The following STK10 variants were observed in gnomAD, a reference collection of about 807,000 sequenced individuals.
The protein encoded by STK10 is serine/threonine kinase 10.
Under a neutral mutation model 113.8 loss-of-function variants are expected in STK10, and 78 were observed. The ratio of observed to expected loss-of-function variants is 0.69; its 90% confidence interval spans 0.57 to 0.83. The LOEUF (loss-of-function observed/expected upper bound fraction) is 0.83. Among genes scored for constraint, STK10 ranks in the 40% least tolerant of loss-of-function variants. The pLI is 0.00. For missense variants in STK10, 1,109 were observed against 1,280.1 expected (o/e 0.87, Z 2.04); for synonymous variants, 465 against 494.7 (o/e 0.94, Z 0.80).
At position 172,187,970 on chromosome 5, in the gene STK10, G is replaced by A. The variant is rs746153475; in HGVS notation, c.73C>T (p.His25Tyr). The A allele has an allele frequency of 3.2e-5, 51 of 1,613,504 alleles. No individual in the cohort carries two copies. Among genetic ancestry groups the A allele is most frequent in the Non-Finnish European group, 4.3e-5 (51 of 1,179,804 alleles). The change falls in exon 1 of 19, where the codon CAC (histidine) becomes TAC (tyrosine). Residue 25 changes from histidine to tyrosine, a missense_variant. Around this residue, in one of 5 missense-constraint regions of STK10, gnomAD observed 57 missense variants for 53.6 expected, o/e 1.06. Coordinates refer to ENST00000176763, the MANE Select transcript of STK10 (RefSeq NM_005990.4). The surrounding 1 kb of genome is among the most constrained non-coding windows in gnomAD (Gnocchi z 4.6). ...TTGGGGTCCAGGTCGCGGCGGACGT[G>A]CTCATATTCGCGGGACTTTCTCTTC... Reference protein sequence around the residue: ...FEKRKSREYEHVRRDLDPNEV... With the variant: ...FEKRKSREYEYVRRDLDPNEV...
chr5:172,048,436 C>CACACACACAT (rs1554114848), intron 18 of STK10, among the ~76,000 whole-genome samples: 3 of 151,656 alleles, frequency 2.0e-5, no homozygotes, highest in Non-Finnish European at 2.9e-5. Flanking sequence ...CACACACACA[C>CACACACACAT]ACACACACAC....
At chr5:172,174,497 A>G (rs545584531) in intron 1 of STK10, among the ~76,000 whole-genome samples, 1 of 152,138 alleles carries the variant, frequency 6.6e-6, no homozygotes, top group Admixed American at 6.6e-5. Context: ...TATGAACTGA[A>G]CATCTACCCT....
At chr5:172,152,182 G>A (rs747021209) in intron 2 of STK10, among the ~76,000 whole-genome samples, 4 of 152,116 alleles carry the variant, frequency 2.6e-5, no homozygotes, top group East Asian at 1.9e-4. Context: ...CCTTCATACC[G>A]TCTGTTTCTG....
chr5:172,177,930 G>A (rs34036621), intron 1 of STK10, among the ~76,000 whole-genome samples: 65,874 of 151,996 alleles, frequency 0.43, 17,132 homozygotes, highest in African/African-American at 0.74. Flanking sequence ...CAGGTTTCAG[G>A]TGATTTTCCT....
At chr5:172,079,732 T>G (rs1252811725) in intron 12 of STK10, among the ~76,000 whole-genome samples, 3 of 152,016 alleles carry the variant, frequency 2.0e-5, no homozygotes, top group Non-Finnish European at 4.4e-5. Context: ...ACTAATTTTT[T>G]TGTGTTTTTA....
intron 5 of STK10, 41 bp downstream of exon 5, chr5:172,107,739 T>C (rs1769147771): frequency 6.2e-7 from 1 of 1,603,812 alleles, no homozygotes; most frequent in Non-Finnish European, 8.5e-7. Context: ...GGAGAGTTTT[T>C]ACATCCAGTC....
chr5:172,054,213 G>A (rs966294051), intron 17 of STK10, among the ~76,000 whole-genome samples: 1 of 152,158 alleles, frequency 6.6e-6, no homozygotes, highest in Non-Finnish European at 1.5e-5. Context: ...CCCACAAGGG[G>A]CTCGGCCACA....
At position 172,044,813 on chromosome 5, in the gene STK10, A is replaced by T; in HGVS notation, c.*69T>A. On this transcript the variant is annotated 3_prime_UTR_variant, in exon 19 of 19. Transcript: ENST00000176763. The surrounding 1 kb of genome is among the most constrained non-coding windows in gnomAD (Gnocchi z 4.5). ...AGAGGGAAAAGGGGTCCTGAGTTAC[A>T]TGTTCACAGAGAATGAAGGAGAAGG... 8 of 1,611,530 alleles carry T rather than the reference A, an allele frequency of 5.0e-6. No homozygotes were observed. The highest frequency in any genetic ancestry group is 6.8e-6 in the Non-Finnish European group (8 of 1,179,174).
chr5:172,064,052 G>A (rs1229408447), intron 13 of STK10, among the ~76,000 whole-genome samples: 3 of 152,112 alleles, frequency 2.0e-5, no homozygotes, highest in Non-Finnish European at 4.4e-5. Flanking sequence ...GCTGTGGGGG[G>A]AAGGGTGCTA....
chr5:172,043,476 AT>A lies in STK10; in HGVS notation c.*1405del, dbSNP rs1767428273. On this transcript the variant is annotated 3_prime_UTR_variant, in exon 19 of 19. Coordinates refer to ENST00000176763, the MANE Select transcript of STK10 (RefSeq NM_005990.4). ...TATGCCCGCATGATTACTCCAAATC[AT>A]TACCAGTTTTGTGTTGTTGTTCTTG... The A allele has an allele frequency of 6.6e-6, 1 of 152,190 alleles. No individual in the cohort carries two copies. The highest frequency in any genetic ancestry group is 1.5e-5 in the Non-Finnish European group (1 of 68,032). The allele number at this position is 152,190 out of a possible 1,614,324, so 9.4% of individuals were successfully genotyped here.
chr5:172,061,443 A>C, intron 13 of STK10, 175 bp from the exon 14 acceptor site: 1 of 786,958 alleles, frequency 1.3e-6, no homozygotes, highest in Non-Finnish European at 1.9e-6. Flanking sequence ...CAATTTCAAC[A>C]TGTGGGCTTC....
intron 3 of STK10, among the ~76,000 whole-genome samples, chr5:172,126,465 G>A (rs1286062163): frequency 6.6e-6 from 1 of 152,114 alleles, no homozygotes; most frequent in Non-Finnish European, 1.5e-5. Flanking sequence ...TCGGGAGGCT[G>A]GGGCAGAAGA....
At chr5:172,155,672 T>C (rs1203364426) in intron 2 of STK10, among the ~76,000 whole-genome samples, 2 of 151,088 alleles carry the variant, frequency 1.3e-5, no homozygotes, top group African/African-American at 4.9e-5. Context: ...AGTCAGAAGA[T>C]GGATTTCTTT....
At position 172,044,892 on chromosome 5, in the gene STK10, TC is replaced by T; in HGVS notation, c.2896del (p.Asp966MetfsTer28). On this transcript the variant is annotated frameshift_variant, in exon 19 of 19. Transcript: ENST00000176763. LOFTEE classifies it high-confidence loss of function. This position sits in a 1 kb window ranked among gnomAD's most constrained non-coding sequence, Gnocchi z 4.5. ...AGCCCCGGGCGGTTGTTAAGAAGCATCCGCAGAACTGTAGGGGAAGAACTTG... is the reference window on the plus strand; with the variant it reads ...AGCCCCGGGCGGTTGTTAAGAAGCATCGCAGAACTGTAGGGGAAGAACTTG... ...AAKFFPYSSA[D>X]AS is the part of the protein sequence containing the mutation. The T allele has an allele frequency of 6.2e-7, 1 of 1,614,136 alleles. No individual in the cohort carries two copies.
intron 18 of STK10, among the ~76,000 whole-genome samples, chr5:172,048,108 G>T (rs1299622164): frequency 6.6e-6 from 1 of 152,080 alleles, no homozygotes; most frequent in Admixed American, 6.6e-5. Flanking sequence ...GCTTGGCAAG[G>T]CCACGGTATC....
intron 2 of STK10, among the ~76,000 whole-genome samples, chr5:172,146,183 C>A (rs13176834): frequency 6.6e-6 from 1 of 152,034 alleles, no homozygotes; most frequent in African/African-American, 2.4e-5. Flanking sequence ...GTGTCTGTGC[C>A]CCAGCACCTA....
At chr5:172,085,670 C>T (rs1243157397) in intron 10 of STK10, among the ~76,000 whole-genome samples, 2 of 144,576 alleles carry the variant, frequency 1.4e-5, no homozygotes, top group African/African-American at 5.2e-5. Context: ...GCCTGGGCGA[C>T]AGAGTGAGAC....
At chr5:172,050,712 AT>A (rs760815504) in intron 18 of STK10, among the ~76,000 whole-genome samples, 5,197 of 145,814 alleles carry the variant, frequency 0.036, 163 homozygotes, top group African/African-American at 0.086. Flanking sequence ...CAGCTTCTCA[AT>A]TTTTTTTTTT....
At chr5:172,105,215 T>C (rs1243492590) in intron 7 of STK10, among the ~76,000 whole-genome samples, 1 of 134,132 alleles carries the variant, frequency 7.5e-6, no homozygotes, top group Non-Finnish European at 1.6e-5. Context: ...AACATGCTGC[T>C]GTCCCAGGCG....
Sources: allele counts gnomAD v4.1 joint callset (sites outside exome capture counted in the v4.1 genomes callset), GRCh38; gene constraint gnomAD v4.1.1; regional missense constraint gnomAD v4.1.1; non-coding constraint Gnocchi (gnomAD v3.1); transcripts MANE v1.5; gene names NCBI Gene and HGNC (gene_info 2026-07-23, HGNC 2026-07-21).